Variants in COL27A1 observed in about 807,000 individuals in gnomAD.
The protein encoded by COL27A1 is collagen type XXVII alpha 1 chain, also known as collagen alpha-1(XXVII) chain.
Under a neutral mutation model 251.3 loss-of-function variants are expected in COL27A1, and 106 were observed. The ratio of observed to expected loss-of-function variants is 0.42; its 90% CI spans 0.36 to 0.50. COL27A1 has a LOEUF of 0.50. Among genes scored for constraint, COL27A1 ranks in the 20% least tolerant of loss-of-function variants. The pLI, the probability that COL27A1 is intolerant of heterozygous loss-of-function variation, is 0.00. For missense variants in COL27A1, 2,325 were observed against 2,522.8 expected (o/e 0.92, Z 1.68); for synonymous variants, 1,000 against 986.3 (o/e 1.01, Z -0.26).
intron 10 of COL27A1, among the ~76,000 whole-genome samples, chr9:114,208,403 C>T (rs903981578): frequency 1.3e-5 from 2 of 151,888 alleles, no homozygotes; most frequent in Non-Finnish European, 2.9e-5. Context: ...AAGCCACGAT[C>T]GCACCACTGC....
chr9:114,291,393 C>T (rs1375889638), intron 48 of COL27A1, among the ~76,000 whole-genome samples: 1 of 152,170 alleles, frequency 6.6e-6, no homozygotes, highest in Admixed American at 6.5e-5. Flanking sequence ...GATTGGAACC[C>T]TCTGAGACAC....
chr9:114,249,863 C>T (rs1484805552), intron 24 of COL27A1, among the ~76,000 whole-genome samples: 4 of 152,226 alleles, frequency 2.6e-5, no homozygotes, highest in East Asian at 3.8e-4. Context: ...AAGGCCCTCC[C>T]GGCTCAGTTT....
intron 49 of COL27A1, among the ~76,000 whole-genome samples, chr9:114,294,839 T>G (rs78750797): frequency 0.01 from 1,544 of 152,322 alleles, 27 homozygotes; most frequent in African/African-American, 0.036. Context: ...TTCTAGCCAG[T>G]GCAATAAGGC....
chr9:114,169,403 A>G lies in COL27A1; in HGVS notation c.1848A>G (p.Gly616=). The part of the protein sequence containing the change: ...SSGYSIFHLA[G]STPFPLLMGP... ...GCTATTCGATCTTCCACCTGGCAGG[A>G]TCTACGCCTTTCCCTCTGCTGATGG... The change falls in exon 3 of 61, where the codon GGA becomes GGG. Residue 616 remains glycine, a synonymous_variant. Coordinates refer to ENST00000356083, the MANE Select transcript of COL27A1 (RefSeq NM_032888.4). 6.2e-7 allele frequency: 1 copy of G among 1,600,110 alleles called. No individual in the cohort carries two copies. Among genetic ancestry groups the G allele is most frequent in the Non-Finnish European group, 8.5e-7 (1 of 1,174,122 alleles).
chr9:114,173,110 AG>A (rs549385640), intron 3 of COL27A1, among the ~76,000 whole-genome samples: 128 of 152,220 alleles, frequency 8.4e-4, no homozygotes, highest in Middle Eastern at 3.4e-3. Context: ...GAGCCCCAGG[AG>A]GGGGGAACAT....
intron 12 of COL27A1, among the ~76,000 whole-genome samples, chr9:114,218,949 TTG>T (rs1348827739): frequency 3.1e-5 from 2 of 65,566 alleles, no homozygotes; most frequent in Non-Finnish European, 8.0e-5. Flanking sequence ...AACATGTGCT[TTG>T]TTTTTTTTTT....
chr9:114,227,189 T>C (rs887165590), intron 14 of COL27A1, among the ~76,000 whole-genome samples: 12 of 152,152 alleles, frequency 7.9e-5, no homozygotes, highest in Non-Finnish European at 1.8e-4. Context: ...GTTCCCCACA[T>C]TAGCCTCCGG....
chr9:114,207,431 A>T (rs1401401883), intron 10 of COL27A1, among the ~76,000 whole-genome samples: 1 of 151,840 alleles, frequency 6.6e-6, no homozygotes, highest in Non-Finnish European at 1.5e-5. Flanking sequence ...CCCCAGAGGG[A>T]CCCCCTAAAC....
At chr9:114,208,171 C>T (rs1830096562) in intron 10 of COL27A1, among the ~76,000 whole-genome samples, 1 of 152,082 alleles carries the variant, frequency 6.6e-6, no homozygotes, top group Non-Finnish European at 1.5e-5. Context: ...GGCGCGGTGG[C>T]TCGTGCCTGT....
chr9:114,262,997 G>A (rs1834458829), intron 28 of COL27A1, among the ~76,000 whole-genome samples: 2 of 141,040 alleles, frequency 1.4e-5, no homozygotes, highest in South Asian at 4.5e-4. Context: ...GGAGTGCAGT[G>A]GTGCGATCTC....
At chr9:114,257,578 G>A (rs1044749532) in intron 27 of COL27A1, among the ~76,000 whole-genome samples, 6 of 151,324 alleles carry the variant, frequency 4.0e-5, no homozygotes, top group East Asian at 1.9e-4. Context: ...CCCTCTTGTC[G>A]TCTGTTCATC....
chr9:114,265,008 C>T, intron 30 of COL27A1, 40 bp downstream of exon 30: 1 of 1,612,208 alleles, frequency 6.2e-7, no homozygotes, highest in Non-Finnish European at 8.5e-7. Flanking sequence ...CTGCAGGCCC[C>T]CTCCCTGCTC....
chr9:114,229,770 G>GGCAGAAGTGAGA (rs1157542675), intron 14 of COL27A1, among the ~76,000 whole-genome samples: 3 of 152,182 alleles, frequency 2.0e-5, no homozygotes, highest in African/African-American at 7.2e-5. Flanking sequence ...TGATGGAGTG[G>GGCAGAAGTGAGA]GCAGAAGTGA....
In COL27A1 at chr9:114,287,486, C is replaced by T. The variant is rs145676555; in HGVS notation, c.3988-969C>T. On this transcript the variant is annotated intron_variant, in intron 41 of 60. Coordinates refer to ENST00000356083, the MANE Select transcript of COL27A1 (RefSeq NM_032888.4). ...GGGTGGCCATGGCATAAGGACCTCA[C>T]CTCTAAACTCTGTTCCGCCCCCCCC... Among the ~76,000 whole-genome samples, 269 of 152,268 alleles carry T rather than the reference C, an allele frequency of 1.8e-3. 1 individual carries two copies. The highest frequency in any genetic ancestry group is 6.8e-3 in the Middle Eastern group (2 of 294).
intron 3 of COL27A1, among the ~76,000 whole-genome samples, chr9:114,174,917 T>A (rs1355644600): frequency 6.6e-6 from 1 of 151,980 alleles, no homozygotes; most frequent in Non-Finnish European, 1.5e-5. Context: ...CCCCAACAGG[T>A]TACAGACACA....
chr9:114,199,908 G>A (rs1829450757), intron 7 of COL27A1, among the ~76,000 whole-genome samples: 1 of 152,176 alleles, frequency 6.6e-6, no homozygotes, highest in African/African-American at 2.4e-5. Flanking sequence ...TACTGCCCCA[G>A]ATAGACATGA....
rs531169946 is a variant in COL27A1 at position 114,264,078 on chromosome 9, C to T, written c.3196-277C>T. ...TGAAATGGATTGGCTGGGTGACCCCCAAGGTCTCTCTGAACAGGGCCATTA... is the reference window on the plus strand; with the variant it reads ...TGAAATGGATTGGCTGGGTGACCCCTAAGGTCTCTCTGAACAGGGCCATTA... On this transcript the variant is annotated intron_variant, in intron 28 of 60. Coordinates refer to ENST00000356083, the MANE Select transcript of COL27A1 (RefSeq NM_032888.4). 2.0e-5 allele frequency among the ~76,000 whole-genome samples: 3 copies of T among 152,350 alleles called. No homozygotes were observed. In the East Asian group the frequency reaches 5.8e-4, roughly 29 times the overall value.
chr9:114,209,636 C>G (rs780561172), intron 10 of COL27A1, 39 bp from the exon 11 acceptor site: 9 of 1,609,172 alleles, frequency 5.6e-6, no homozygotes, highest in Non-Finnish European at 7.7e-6. Context: ...CCACACCTCA[C>G]TGCTTGACCG....
At chr9:114,306,234 C>T in intron 57 of COL27A1, 1 of 305,858 alleles carries the variant, frequency 3.3e-6, no homozygotes, top group Non-Finnish European at 6.1e-6. Context: ...TCCCACGCAC[C>T]CTCGCCTACC....
Sources: gnomAD v4.1 joint callset for allele counts (sites outside exome capture counted in the v4.1 genomes callset) on GRCh38, gnomAD v4.1.1 for gene constraint, MANE v1.5 for transcripts, NCBI Gene and HGNC (gene_info 2026-07-23, HGNC 2026-07-21) for gene names.